Variants in PAX2 observed in about 807,000 individuals in gnomAD.
The protein encoded by PAX2 is paired box 2, also known as paired box protein Pax-2.
Under a neutral mutation model 41.7 loss-of-function variants are expected in PAX2, and 9 were observed. That is an observed-to-expected ratio of 0.22 (90% CI 0.13 to 0.38). PAX2 has a LOEUF of 0.38. Ranked by LOEUF, PAX2 falls within the 10% of genes least tolerant of loss-of-function variation. The pLI is 1.00. For missense variants in PAX2, 418 were observed against 531.6 expected (o/e 0.79, Z 2.10); for synonymous variants, 221 against 212.7 (o/e 1.04, Z -0.34).
In PAX2 at chr10:100,750,724, T is replaced by A. The variant is rs1845410297; in HGVS notation, c.243T>A (p.Gly81=). The A allele has an allele frequency of 6.2e-7, 1 of 1,613,948 alleles. No individual in the cohort carries two copies. The highest frequency in any genetic ancestry group is 8.5e-7 in the Non-Finnish European group (1 of 1,180,022). ...ACGAGACCGGCAGCATCAAGCCGGGTGTGATCGGTGGCTCCAAGCCCAAAG... is the reference window on the plus strand; with the variant it reads ...ACGAGACCGGCAGCATCAAGCCGGGAGTGATCGGTGGCTCCAAGCCCAAAG... The part of the protein sequence containing the change: ...RYYETGSIKP[G]VIGGSKPKVA... Residue 81 remains glycine (G), a synonymous_variant, in exon 3 of 10, where the codon GGT becomes GGA. Transcript: ENST00000355243. This position sits in a 1 kb window ranked among gnomAD's most constrained non-coding sequence, Gnocchi z 4.1.
chr10:100,804,740 C>T (rs964391945), intron 5 of PAX2, among the ~76,000 whole-genome samples: 2 of 152,192 alleles, frequency 1.3e-5, no homozygotes, highest in African/African-American at 2.4e-5. Context: ...CGCGTAGACA[C>T]GCAATACTCA....
At chr10:100,790,652 A>G (rs558023669) in intron 5 of PAX2, among the ~76,000 whole-genome samples, 1 of 152,298 alleles carries the variant, frequency 6.6e-6, no homozygotes, top group East Asian at 1.9e-4. Context: ...AGCGCAGGCC[A>G]CTGGAAAAAG....
At position 100,806,339 on chromosome 10, in the gene PAX2, C is replaced by T. The variant is rs192577165; in HGVS notation, c.617-91C>T. The T allele has an allele frequency of 3.9e-3, 5,393 of 1,367,798 alleles. 53 individuals are homozygous for T. Among genetic ancestry groups the T allele is most frequent in the Non-Finnish European group, 3.2e-3 (3,107 of 961,138 alleles). 84.7% of individuals were successfully genotyped at this position (1,367,798 alleles called of 1,614,324 possible). On this transcript the variant is annotated intron_variant, in intron 5 of 9. Coordinates refer to ENST00000355243, the MANE Select transcript of PAX2 (RefSeq NM_000278.5). ...CCATAGGGGTGCAGAGCTCCTGGGC[C>T]CGGAACCAGATGCCCACCTCTTTGC...
chr10:100,825,255 T>C (rs1160133414), intron 8 of PAX2, among the ~76,000 whole-genome samples: 3 of 152,016 alleles, frequency 2.0e-5, no homozygotes, highest in Admixed American at 1.3e-4. Flanking sequence ...AGTAGGGAGC[T>C]AGTCCCTAAG....
At chr10:100,777,183 C>T (rs960230402) in intron 3 of PAX2, among the ~76,000 whole-genome samples, 3 of 149,978 alleles carry the variant, frequency 2.0e-5, no homozygotes, top group South Asian at 4.2e-4. Context: ...CTCACTGCAA[C>T]CTCCGCCTCC....
chr10:100,747,967 AGCAGAGGTCGGAGG>A (rs1845264446), intron 1 of PAX2: 2 of 983,244 alleles, frequency 2.0e-6, no homozygotes, highest in Non-Finnish European at 2.4e-6. Context: ...TGCACGGCCA[AGCAGAGGTCGGAGG>A]GAGAGAGCCG....
intron 5 of PAX2, among the ~76,000 whole-genome samples, chr10:100,799,444 T>TA (rs1262335371): frequency 2.0e-5 from 3 of 152,190 alleles, no homozygotes; most frequent in African/African-American, 7.2e-5. Flanking sequence ...AGACTGTGGA[T>TA]AATGTGTATA....
chr10:100,827,752 A>C lies in PAX2; in HGVS notation c.*133A>C. 8 of 1,417,856 alleles carry C rather than the reference A, an allele frequency of 5.6e-6. No homozygotes were observed. The highest frequency in any genetic ancestry group is 4.9e-6 in the Non-Finnish European group (5 of 1,012,140). The allele number at this position is 1,417,856 out of a possible 1,614,324, so 87.8% of individuals were successfully genotyped here. ...CCGGCCACCGCCCCAGCCTCACCCC[A>C]TCCCACGACCCCCGCAACCCTTCAC... On this transcript the variant is annotated 3_prime_UTR_variant, in exon 10 of 10. Coordinates refer to ENST00000355243, the MANE Select transcript of PAX2 (RefSeq NM_000278.5). The surrounding 1 kb of genome is among the most constrained non-coding windows in gnomAD (Gnocchi z 8.5).
intron 3 of PAX2, among the ~76,000 whole-genome samples, chr10:100,768,985 T>C (rs963647497): frequency 6.6e-6 from 1 of 152,182 alleles, no homozygotes; most frequent in Non-Finnish European, 1.5e-5. Context: ...TAAACGATAG[T>C]TATTGCTTTT....
chr10:100,788,260 C>T (rs1403454962), intron 5 of PAX2, among the ~76,000 whole-genome samples: 2 of 152,218 alleles, frequency 1.3e-5, no homozygotes, highest in Non-Finnish European at 2.9e-5. Flanking sequence ...CCTGGCCGCC[C>T]GCGATCGCCT....
chr10:100,804,926 G>A (rs113579022), intron 5 of PAX2, among the ~76,000 whole-genome samples: 49 of 151,842 alleles, frequency 3.2e-4, no homozygotes, highest in African/African-American at 1.1e-3. Flanking sequence ...TTCTTCAGAT[G>A]TGGTCCTGGT....
intron 5 of PAX2, among the ~76,000 whole-genome samples, chr10:100,800,602 AC>A (rs1213570867): frequency 7.3e-5 from 11 of 150,610 alleles, no homozygotes; most frequent in African/African-American, 2.7e-4. Flanking sequence ...TATTACCACC[AC>A]CCCCAACTGT....
intron 1 of PAX2, 182 bp from the exon 2 acceptor site, chr10:100,749,564 T>C: frequency 6.4e-6 from 9 of 1,400,974 alleles, no homozygotes; most frequent in Non-Finnish European, 8.3e-6. Flanking sequence ...CAGCCCAGCG[T>C]CTGTGCTTCC....
intron 5 of PAX2, among the ~76,000 whole-genome samples, chr10:100,788,873 C>T (rs891956859): frequency 6.6e-6 from 1 of 152,034 alleles, no homozygotes. Context: ...CACACACCCC[C>T]CCCGACACAC....
chr10:100,816,807 A>G (rs911148062), intron 7 of PAX2, among the ~76,000 whole-genome samples: 1 of 152,080 alleles, frequency 6.6e-6, no homozygotes, highest in African/African-American at 2.4e-5. Flanking sequence ...TCTTCTCCCC[A>G]GTGGTGGTGG....
In PAX2 at chr10:100,755,063, C is replaced by T. The variant is rs535367441; in HGVS notation, c.410+4172C>T. Among the ~76,000 whole-genome samples, 4 of 152,362 alleles carry T rather than the reference C, an allele frequency of 2.6e-5. 1 individual carries two copies. The highest frequency in any genetic ancestry group is 4.1e-4 in the South Asian group (2 of 4,830). On this transcript the variant is annotated intron_variant, in intron 3 of 9. Transcript: ENST00000355243. ...ATGCCAATTTCTGTCAGAGAAGCCT[C>T]GCTCACCTGTCCTTTCCCAGAGACA... is the stretch of plus-strand genomic sequence containing the variant.
At chr10:100,763,721 T>C (rs1188387235) in intron 3 of PAX2, among the ~76,000 whole-genome samples, 7 of 152,218 alleles carry the variant, frequency 4.6e-5, no homozygotes, top group African/African-American at 1.7e-4. Context: ...ATCTTTTCAT[T>C]CATCCATTCA....
Position 100,782,244 on chromosome 10 carries a change from C to T in PAX2, c.616+879C>T, listed in dbSNP as rs182518539. On this transcript the variant is annotated intron_variant, in intron 5 of 9. Coordinates refer to ENST00000355243, the MANE Select transcript of PAX2 (RefSeq NM_000278.5). ...CTTCAGAGGATTTTAAAGACATCTC[C>T]CAGGAAAGAGGCAGAATCCTCAAAC... Among the ~76,000 whole-genome samples the T allele has an allele frequency of 1.2e-3, 179 of 152,046 alleles. 1 individual carries two copies. In the Middle Eastern group the frequency reaches 0.038, roughly 32 times the overall value.
At chr10:100,735,776 G>C in intron 1 of PAX2, 1 of 1,023,824 alleles carries the variant, frequency 9.8e-7, no homozygotes, top group Non-Finnish European at 1.2e-6. Context: ...GCGAGGACTA[G>C]GGGAGAGGGA....
Sources: gnomAD v4.1 joint callset for allele counts (sites outside exome capture counted in the v4.1 genomes callset) on GRCh38, gnomAD v4.1.1 for gene constraint, Gnocchi (gnomAD v3.1) non-coding constraint, MANE v1.5 for transcripts, NCBI Gene and HGNC (gene_info 2026-07-23, HGNC 2026-07-21) for gene names.